DLG2: variants seen among roughly 807,000 people sequenced by gnomAD.
The protein encoded by DLG2 is disks large homolog 2.
DLG2 carries 45 observed loss-of-function variants against 132.5 expected under a neutral mutation model. The ratio of observed to expected loss-of-function variants is 0.34; its 90% CI spans 0.27 to 0.44. The LOEUF (loss-of-function observed/expected upper bound fraction) is 0.44, where lower values mean the gene tolerates loss of function less well. DLG2 is among the 20% of genes least tolerant of loss of function. The probability of loss-of-function intolerance (pLI) is 1.00; values close to 1 mark genes in which losing one functional copy is unlikely to be tolerated. For synonymous variants in DLG2, 424 were observed against 419.6 expected (o/e 1.01, Z -0.13); for missense variants, 1,045 against 1,196.9 (o/e 0.87, Z 1.87).
intron 21 of DLG2, among the ~76,000 whole-genome samples, chr11:83,517,728 T>G (rs546355759): frequency 9.2e-4 from 140 of 152,354 alleles, no homozygotes; most frequent in Non-Finnish European, 1.5e-3. Context: ...TTTGTTAGTT[T>G]TCCTTCTAAC....
intron 15 of DLG2, among the ~76,000 whole-genome samples, chr11:83,921,721 T>A (rs1327226014): frequency 1.3e-5 from 2 of 152,210 alleles, no homozygotes; most frequent in Non-Finnish European, 2.9e-5. Context: ...CTCTGTTTTC[T>A]TATTGCTACC....
chr11:83,494,961 G>C (rs376090882), intron 21 of DLG2, among the ~76,000 whole-genome samples: 1 of 152,122 alleles, frequency 6.6e-6, no homozygotes, highest in African/African-American at 2.4e-5. Flanking sequence ...TGGAGTGTTT[G>C]TTTGCTTTAT....
intron 7 of DLG2, among the ~76,000 whole-genome samples, chr11:84,433,607 G>A (rs1363990297): frequency 6.6e-6 from 1 of 152,142 alleles, no homozygotes; most frequent in Non-Finnish European, 1.5e-5. Context: ...TTAAATGAAA[G>A]AATAACAAAG....
chr11:83,562,803 T>C (rs1445116170), intron 19 of DLG2, among the ~76,000 whole-genome samples: 4 of 152,136 alleles, frequency 2.6e-5, no homozygotes, highest in Non-Finnish European at 4.4e-5. Flanking sequence ...TAATTAGAAA[T>C]CAAGGATAAA....
intron 6 of DLG2, among the ~76,000 whole-genome samples, chr11:84,690,243 A>G (rs1595822736): frequency 6.6e-6 from 1 of 151,946 alleles, no homozygotes; most frequent in Admixed American, 6.6e-5. Context: ...AATTAACAAT[A>G]CTACATATAT....
intron 7 of DLG2, among the ~76,000 whole-genome samples, chr11:84,486,786 T>G (rs2099152168): frequency 2.0e-5 from 3 of 152,242 alleles, no homozygotes; most frequent in African/African-American, 7.2e-5. Flanking sequence ...TATACATGCA[T>G]TCAATAGCTC....
chr11:85,102,166 T>C (rs554815200), intron 6 of DLG2, among the ~76,000 whole-genome samples: 2 of 152,124 alleles, frequency 1.3e-5, no homozygotes, highest in East Asian at 1.9e-4. Context: ...AATTTGCCTA[T>C]AGAGATAGTA....
At chr11:85,509,217 T>C (rs1188618691) in intron 3 of DLG2, among the ~76,000 whole-genome samples, 3 of 152,050 alleles carry the variant, frequency 2.0e-5, no homozygotes, top group African/African-American at 4.8e-5. Flanking sequence ...TGAAAAGAAA[T>C]AAATCTAACA....
chr11:83,758,628 T>C (rs1285798239), intron 18 of DLG2, among the ~76,000 whole-genome samples: 1 of 152,138 alleles, frequency 6.6e-6, no homozygotes, highest in Non-Finnish European at 1.5e-5. Context: ...ATAAAGAGAA[T>C]ACAAGTAACT....
At chr11:85,231,482 A>G (rs919381804) in intron 4 of DLG2, among the ~76,000 whole-genome samples, 5 of 151,946 alleles carry the variant, frequency 3.3e-5, no homozygotes, top group Admixed American at 1.3e-4. Flanking sequence ...CCTTTACATT[A>G]TTAAACATAT....
intron 6 of DLG2, among the ~76,000 whole-genome samples, chr11:84,809,461 G>C (rs1406665929): frequency 6.7e-6 from 1 of 148,988 alleles, no homozygotes; most frequent in Admixed American, 6.7e-5. Context: ...TCATAAGAAA[G>C]AAAGAAATAA....
chr11:84,811,070 T>A (rs2076505344), intron 6 of DLG2, among the ~76,000 whole-genome samples: 1 of 152,114 alleles, frequency 6.6e-6, no homozygotes, highest in Admixed American at 6.5e-5. Context: ...GAAACAGGGT[T>A]AAGGGTATAG....
At chr11:85,006,084 T>C (rs1464339801) in intron 6 of DLG2, among the ~76,000 whole-genome samples, 2 of 152,178 alleles carry the variant, frequency 1.3e-5, no homozygotes, top group Non-Finnish European at 2.9e-5. Context: ...CAACTTGATC[T>C]TGGTGGATAA....
intron 3 of DLG2, among the ~76,000 whole-genome samples, chr11:85,379,775 C>T (rs983841992): frequency 5.3e-5 from 8 of 152,180 alleles, no homozygotes; most frequent in African/African-American, 1.9e-4. Context: ...CTGTTTTTCC[C>T]TACTATACCA....
At chr11:84,998,972 A>ATT (rs1285191382) in intron 6 of DLG2, among the ~76,000 whole-genome samples, 2 of 142,726 alleles carry the variant, frequency 1.4e-5, no homozygotes, top group Non-Finnish European at 3.0e-5. Context: ...TATTATTACA[A>ATT]TTATATATAT....
At chr11:84,125,254 G>A (rs2094121528) in intron 9 of DLG2, among the ~76,000 whole-genome samples, 1 of 152,078 alleles carries the variant, frequency 6.6e-6, no homozygotes, top group Non-Finnish European at 1.5e-5. Context: ...CAAACCAAGG[G>A]GGATTAAAGC....
chr11:84,563,652 G>A (rs1233561401), intron 6 of DLG2, among the ~76,000 whole-genome samples: 2 of 152,188 alleles, frequency 1.3e-5, no homozygotes, highest in South Asian at 2.1e-4. Flanking sequence ...AATCGGTCTT[G>A]TTCTTACACT....
intron 6 of DLG2, among the ~76,000 whole-genome samples, chr11:85,062,926 C>A (rs993828957): frequency 1.3e-5 from 2 of 151,672 alleles, no homozygotes; most frequent in African/African-American, 4.8e-5. Context: ...GTTAAAATGC[C>A]TCTGCCAGCA....
In DLG2 at chr11:85,489,623, G is replaced by T. The variant is rs1320630891; in HGVS notation, c.40+109034C>A. Among the ~76,000 whole-genome samples, 2 of 152,106 alleles carry T rather than the reference G, an allele frequency of 1.3e-5. 1 individual carries two copies. The highest frequency in any genetic ancestry group is 2.9e-5 in the Non-Finnish European group (2 of 68,006). On this transcript the variant is annotated intron_variant, in intron 3 of 27. Transcript: ENST00000376104. ...CATTCTTTACATCAGCACATGGAAG[G>T]TTCTCTAAGATGAACCATATGTTAG...
Sources: gnomAD v4.1 joint callset for allele counts (sites outside exome capture counted in the v4.1 genomes callset) on GRCh38, gnomAD v4.1.1 for gene constraint, MANE v1.5 for transcripts, NCBI Gene and HGNC (gene_info 2026-07-23, HGNC 2026-07-21) for gene names.